LRRC37A2: variants seen among roughly 807,000 people sequenced by gnomAD.
LRRC37A2 encodes leucine-rich repeat-containing protein 37A2.
LRRC37A2 carries 9 observed loss-of-function variants against 68.8 expected under a neutral mutation model. The observed-to-expected ratio is 0.13, with a 90% CI of 0.08 to 0.23. LRRC37A2 has a LOEUF of 0.23. Ranked by LOEUF, LRRC37A2 falls within the 10% of genes least tolerant of loss-of-function variation. The pLI, the probability that LRRC37A2 is intolerant of heterozygous loss-of-function variation, is 1.00. For missense variants in LRRC37A2, 168 were observed against 950.4 expected (o/e 0.18, Z 10.82); for synonymous variants, 63 against 367.6 (o/e 0.17, Z 9.48).
the LRRC37A2 span, chr17:46,875,282 T>G: frequency 6.2e-7 from 1 of 1,614,142 alleles, no homozygotes. Context: ...GCACCAAGTT[T>G]CTGAGCAACT....
the LRRC37A2 span, among the ~76,000 whole-genome samples, chr17:46,721,342 C>T: frequency 4.0e-5 from 6 of 151,826 alleles, no homozygotes; most frequent in South Asian, 6.3e-4. Context: ...GTAGACTTCC[C>T]GTTATTTCAT....
At chr17:46,843,197 T>C in the LRRC37A2 span, among the ~76,000 whole-genome samples, 2 of 152,216 alleles carry the variant, frequency 1.3e-5, no homozygotes, top group Non-Finnish European at 2.9e-5. Flanking sequence ...TATTTCAGAA[T>C]CAACAACAGA....
chr17:46,768,218 A>C, the LRRC37A2 span: 1 of 1,561,948 alleles, frequency 6.4e-7, no homozygotes, highest in African/African-American at 1.4e-5. The surrounding 1 kb of genome is among the most constrained non-coding windows in gnomAD (Gnocchi z 5.0). Flanking sequence ...ATAGCTTAGA[A>C]ACAGAAGGGG....
the LRRC37A2 span, among the ~76,000 whole-genome samples, chr17:46,688,297 G>T: frequency 6.6e-6 from 1 of 150,834 alleles, no homozygotes; most frequent in South Asian, 2.1e-4. Flanking sequence ...GATCACTTAA[G>T]TCTAGGAGTT....
the LRRC37A2 span, among the ~76,000 whole-genome samples, chr17:46,911,926 T>G: frequency 6.6e-6 from 1 of 152,090 alleles, no homozygotes; most frequent in Non-Finnish European, 1.5e-5. Flanking sequence ...TACCTGGATA[T>G]GAGGAGCTCG....
chr17:46,708,822 ATTT>A, the LRRC37A2 span, among the ~76,000 whole-genome samples: 1 of 108,852 alleles, frequency 9.2e-6, no homozygotes, highest in African/African-American at 3.8e-5. Context: ...ATATATATAT[ATTT>A]TTTTTTTTTT....
chr17:46,976,987 C>T, the LRRC37A2 span, among the ~76,000 whole-genome samples: 1 of 152,190 alleles, frequency 6.6e-6, no homozygotes, highest in African/African-American at 2.4e-5. Context: ...CCTCACTGGC[C>T]TGGCCTGAAT....
chr17:46,950,356 A>G, the LRRC37A2 span, among the ~76,000 whole-genome samples: 1 of 152,184 alleles, frequency 6.6e-6, no homozygotes, highest in Non-Finnish European at 1.5e-5. Flanking sequence ...TGAAAGGGCC[A>G]GGAGGGTGAG....
At chr17:46,497,284 A>G in the LRRC37A2 span, among the ~76,000 whole-genome samples, 10 of 146,238 alleles carry the variant, frequency 6.8e-5, no homozygotes, top group Admixed American at 1.4e-4. Flanking sequence ...GTTTTGGACC[A>G]TTTACATTTA....
intron 11 of LRRC37A2, among the ~76,000 whole-genome samples, chr17:46,551,457 C>G (rs1598547296): frequency 1.4e-5 from 2 of 148,138 alleles, no homozygotes; most frequent in East Asian, 3.9e-4. Flanking sequence ...CCTCACCAAA[C>G]CCCAGTCACA....
the LRRC37A2 span, among the ~76,000 whole-genome samples, chr17:46,952,169 A>G: frequency 6.6e-6 from 1 of 152,146 alleles, no homozygotes; most frequent in African/African-American, 2.4e-5. Flanking sequence ...TCTTTGGACT[A>G]CAAATCCTTA....
chr17:46,928,126 C>T, the LRRC37A2 span, among the ~76,000 whole-genome samples: 1 of 152,116 alleles, frequency 6.6e-6, no homozygotes. Flanking sequence ...CCGGAAGCAA[C>T]GGCCTGGTCT....
At chr17:47,045,239 T>A in the LRRC37A2 span, among the ~76,000 whole-genome samples, 4 of 140,292 alleles carry the variant, frequency 2.9e-5, no homozygotes, top group Admixed American at 2.9e-4. Flanking sequence ...TCCCAATTCA[T>A]AGACTTCTTG....
chr17:46,992,563 T>C, the LRRC37A2 span, among the ~76,000 whole-genome samples: 1 of 151,770 alleles, frequency 6.6e-6, no homozygotes. Flanking sequence ...TAGAAGAATA[T>C]TTAATGAGGC....
At chr17:46,478,731 A>G in the LRRC37A2 span, among the ~76,000 whole-genome samples, 1 of 111,468 alleles carries the variant, frequency 9.0e-6, no homozygotes, top group East Asian at 2.3e-4. Flanking sequence ...GATATGGTCA[A>G]CTTGTGGGGT....
chr17:46,766,604 C>CA, the LRRC37A2 span, among the ~76,000 whole-genome samples: 1 of 152,136 alleles, frequency 6.6e-6, no homozygotes, highest in Non-Finnish European at 1.5e-5. Context: ...GGACTGTCCC[C>CA]ACCAGGACAG....
the LRRC37A2 span, among the ~76,000 whole-genome samples, chr17:46,786,941 C>CTTTT: frequency 8.1e-4 from 115 of 142,678 alleles, no homozygotes; most frequent in African/African-American, 3.0e-3. Flanking sequence ...TTTCTTTTTT[C>CTTTT]TTTTTTTTTT....
At chr17:46,766,910 A>G in the LRRC37A2 span, among the ~76,000 whole-genome samples, 8 of 152,098 alleles carry the variant, frequency 5.3e-5, no homozygotes, top group Non-Finnish European at 1.2e-4. Flanking sequence ...GTGTCCTTTC[A>G]TTTGTCCCTC....
At chr17:46,748,711 T>G in the LRRC37A2 span, among the ~76,000 whole-genome samples, 1 of 152,244 alleles carries the variant, frequency 6.6e-6, no homozygotes, top group Admixed American at 6.5e-5. Flanking sequence ...GAGGGGAATT[T>G]CTTCAAGAAC....
Sources: allele counts gnomAD v4.1 joint callset (sites outside exome capture counted in the v4.1 genomes callset), GRCh38; gene constraint gnomAD v4.1.1; non-coding constraint Gnocchi (gnomAD v3.1); transcripts MANE v1.5; gene names NCBI Gene and HGNC (gene_info 2026-07-23, HGNC 2026-07-21).